NFXL1: variants seen among roughly 807,000 people sequenced by gnomAD.
The protein encoded by NFXL1 is nuclear transcription factor, X-box binding like 1, also known as NF-X1-type zinc finger protein NFXL1.
NFXL1 carries 66 observed loss-of-function variants against 123.3 expected under a neutral mutation model. The observed-to-expected ratio is 0.54, with a 90% CI of 0.44 to 0.66. NFXL1 has a LOEUF of 0.66. NFXL1 is among the 30% of genes least tolerant of loss of function. The pLI is 0.00. For synonymous variants in NFXL1, 346 were observed against 360.8 expected (o/e 0.96, Z 0.46); for missense variants, 944 against 1,125.6 (o/e 0.84, Z 2.31).
Position 47,860,464 on chromosome 4 carries a change from T to C in NFXL1, c.2316+2382A>G, listed in dbSNP as rs146629525. On this transcript the variant is annotated intron_variant, in intron 19 of 22. Coordinates refer to ENST00000507489, the MANE Select transcript of NFXL1 (RefSeq NM_001278624.2). ...GTGTGTATCAGAGACACAGTGGAGCTGGAAGGATATGCTTATGCCACTCCC... is the reference window on the plus strand; with the variant it reads ...GTGTGTATCAGAGACACAGTGGAGCCGGAAGGATATGCTTATGCCACTCCC... Among the ~76,000 whole-genome samples, 363 of 152,352 alleles carry C rather than the reference T, an allele frequency of 2.4e-3. 1 individual carries two copies. The highest frequency in any genetic ancestry group is 4.1e-3 in the Admixed American group (63 of 15,292).
At chr4:47,861,559 T>A (rs1326927668) in intron 19 of NFXL1, among the ~76,000 whole-genome samples, 2 of 152,244 alleles carry the variant, frequency 1.3e-5, no homozygotes, top group South Asian at 2.1e-4. Context: ...CATACCAGGT[T>A]ACTAAGATTA....
At chr4:47,878,413 A>C in intron 17 of NFXL1, 112 bp downstream of exon 17, 2 of 819,604 alleles carry the variant, frequency 2.4e-6, no homozygotes, top group African/African-American at 1.8e-5. Context: ...GGATGAGGGC[A>C]AAAAAAGAGA....
chr4:47,889,613 ATGGCAGAGT>A (rs1560597007), intron 12 of NFXL1, among the ~76,000 whole-genome samples: 1 of 152,214 alleles, frequency 6.6e-6, no homozygotes. Flanking sequence ...AAACTACTAA[ATGGCAGAGT>A]CTAGGCTTAA....
At position 47,897,946 on chromosome 4, in the gene NFXL1, AT is replaced by A. The variant is rs781181640; in HGVS notation, c.1204+20del. ...TTGACAGATCATTTCCTATATAAAT[AT>A]AAAAAAAAACAAGTCTTACTTGATT... On this transcript the variant is annotated intron_variant, in intron 9 of 22. Transcript: ENST00000507489. The A allele has an allele frequency of 7.0e-7, 1 of 1,426,388 alleles. No homozygotes were observed. Among genetic ancestry groups the A allele is most frequent in the Non-Finnish European group, 9.7e-7 (1 of 1,030,800 alleles). 88.4% of individuals were successfully genotyped at this position (1,426,388 alleles called of 1,614,324 possible).
intron 17 of NFXL1, among the ~76,000 whole-genome samples, chr4:47,875,933 T>A (rs530558230): frequency 8.5e-5 from 13 of 152,198 alleles, no homozygotes; most frequent in African/African-American, 3.1e-4. Flanking sequence ...ACTAGCATTA[T>A]AATCTACTAA....
rs1427421925 is a variant in NFXL1, at chr4:47,910,871, T to G, written c.359A>C (p.Gln120Pro). The G allele has an allele frequency of 1.2e-6, 2 of 1,602,580 alleles. No individual in the cohort carries two copies. Among genetic ancestry groups the G allele is most frequent in the Non-Finnish European group, 1.7e-6 (2 of 1,175,188 alleles). The change falls in exon 3 of 23, where the codon CAG becomes CCG. Residue 120 changes from glutamine (Q) to proline (P), a missense_variant. Around this residue, in one of 4 missense-constraint regions of NFXL1, gnomAD observed 303 missense variants for 292.1 expected, o/e 1.04. Transcript: ENST00000507489. ...EEGDEDFEGK[Q>P]GKILANTFIT... ...AAACGTATTTGCAAGTATTTTTCCC[T>G]GTTTTCCTTCAAAATCTTCATCTCC...
intron 4 of NFXL1, among the ~76,000 whole-genome samples, 186 bp from the exon 5 acceptor site, chr4:47,903,509 G>T (rs551250742): frequency 6.6e-6 from 1 of 152,056 alleles, no homozygotes; most frequent in Non-Finnish European, 1.5e-5. Context: ...AGGATACTTC[G>T]AAGAAAATTA....
At chr4:47,856,318 G>A (rs1734411459) in intron 19 of NFXL1, among the ~76,000 whole-genome samples, 1 of 152,052 alleles carries the variant, frequency 6.6e-6, no homozygotes, top group African/African-American at 2.4e-5. Flanking sequence ...AATAAAAGTT[G>A]TTATTATTAT....
At chr4:47,871,658 T>G (rs1468223411) in intron 18 of NFXL1, among the ~76,000 whole-genome samples, 8 of 152,238 alleles carry the variant, frequency 5.3e-5, no homozygotes. Flanking sequence ...AGTTCATTAC[T>G]ATCCATTAAT....
At chr4:47,880,610 T>C (rs1309569480) in intron 15 of NFXL1, among the ~76,000 whole-genome samples, 1 of 151,708 alleles carries the variant, frequency 6.6e-6, no homozygotes, top group African/African-American at 2.4e-5. Context: ...CATGTATCAG[T>C]GCCATATTTC....
At chr4:47,889,696 T>C (rs930399537) in intron 12 of NFXL1, among the ~76,000 whole-genome samples, 9 of 152,202 alleles carry the variant, frequency 5.9e-5, no homozygotes, top group Admixed American at 3.9e-4. Context: ...CTCAGTAGAT[T>C]CCATTTCATA....
chr4:47,912,239 A>G (rs2110111476), intron 2 of NFXL1, among the ~76,000 whole-genome samples: 1 of 152,286 alleles, frequency 6.6e-6, no homozygotes, highest in Middle Eastern at 3.4e-3. Flanking sequence ...AAGAGATGAT[A>G]AATGTCATTA....
At chr4:47,899,687 A>G in intron 5 of NFXL1, 139 bp from the exon 6 acceptor site, 1 of 607,500 alleles carries the variant, frequency 1.6e-6, no homozygotes, top group Non-Finnish European at 2.9e-6. Flanking sequence ...GTTAGTGAAA[A>G]AACAAGATCT....
intron 18 of NFXL1, among the ~76,000 whole-genome samples, chr4:47,863,844 T>C (rs1175737483): frequency 6.6e-6 from 1 of 152,302 alleles, no homozygotes; most frequent in Non-Finnish European, 1.5e-5. Context: ...CAGTAACTAG[T>C]GACAATCTAA....
intron 18 of NFXL1, among the ~76,000 whole-genome samples, chr4:47,865,813 G>A (rs892725028): frequency 4.6e-5 from 7 of 151,966 alleles, no homozygotes; most frequent in East Asian, 1.9e-4. Flanking sequence ...CCAGGAGTTC[G>A]AGACCAGCCT....
At chr4:47,902,231 T>TA (rs1262655727) in intron 5 of NFXL1, among the ~76,000 whole-genome samples, 1 of 152,142 alleles carries the variant, frequency 6.6e-6, no homozygotes, top group African/African-American at 2.4e-5. Context: ...TAAAATTAGT[T>TA]ACTAAAGTTA....
chr4:47,910,388 T>C (rs1737769182), intron 3 of NFXL1, among the ~76,000 whole-genome samples: 1 of 151,850 alleles, frequency 6.6e-6, no homozygotes, highest in African/African-American at 2.4e-5. Context: ...GTAAATAAGA[T>C]ATAAAATAAG....
At chr4:47,913,895 G>A (rs1390982095) in intron 2 of NFXL1, 74 bp downstream of exon 2, 2 of 981,244 alleles carry the variant, frequency 2.0e-6, no homozygotes, top group Non-Finnish European at 2.9e-6. Flanking sequence ...AAGAAGGCGA[G>A]GGCGGAGGCG....
At chr4:47,873,285 G>C (rs1252632942) in intron 18 of NFXL1, among the ~76,000 whole-genome samples, 1 of 152,098 alleles carries the variant, frequency 6.6e-6, no homozygotes, top group Non-Finnish European at 1.5e-5. Flanking sequence ...TCCTGTTCCT[G>C]TTGACATGAA....
Sources: allele counts gnomAD v4.1 joint callset (sites outside exome capture counted in the v4.1 genomes callset), GRCh38; gene constraint gnomAD v4.1.1; regional missense constraint gnomAD v4.1.1; transcripts MANE v1.5; gene names NCBI Gene and HGNC (gene_info 2026-07-23, HGNC 2026-07-21).